The following EPHA6 variants were observed in gnomAD, a reference collection of about 807,000 sequenced individuals.
EPHA6 encodes the protein EPH receptor A6, also known as ephrin type-A receptor 6.
Under a neutral mutation model 112.0 loss-of-function variants are expected in EPHA6, and 50 were observed. The ratio of observed to expected loss-of-function variants is 0.45; its 90% CI spans 0.36 to 0.56. EPHA6 has a LOEUF of 0.56. EPHA6 is among the 20% of genes least tolerant of loss of function. The pLI, the probability that EPHA6 is intolerant of heterozygous loss-of-function variation, is 0.00. For synonymous variants in EPHA6, 529 were observed against 490.7 expected (o/e 1.08, Z -1.03); for missense variants, 1,280 against 1,417.4 (o/e 0.90, Z 1.56).
At chr3:96,843,408 C>A (rs894166558) in intron 1 of EPHA6, among the ~76,000 whole-genome samples, 7 of 151,978 alleles carry the variant, frequency 4.6e-5, no homozygotes, top group African/African-American at 1.7e-4. Flanking sequence ...GTTTTAAATA[C>A]ATGTTTACTT....
rs559149881 is a variant in EPHA6, at chr3:97,176,473, T to C, written c.1115-49791T>C. On this transcript the variant is annotated intron_variant, in intron 3 of 17. Transcript: ENST00000389672. The stretch of plus-strand genomic sequence containing the variant: ...TTCAGAAGAGTTTGAGTAGGATTGA[T>C]ATTAGTTTCCTTAAGACTGGTAGGG... Among the ~76,000 whole-genome samples, 4 of 152,014 alleles carry C rather than the reference T, an allele frequency of 2.6e-5. No individual in the cohort carries two copies. The South Asian group carries it at 8.3e-4, about 31-fold the overall frequency.
At chr3:97,009,985 G>GTTTT (rs746552671) in intron 3 of EPHA6, 4 of 664,164 alleles carry the variant, frequency 6.0e-6, no homozygotes, top group South Asian at 1.6e-5. Context: ...GCTTATCATT[G>GTTTT]TTTTTTTTTT....
At chr3:96,964,680 G>T (rs1346315780) in intron 2 of EPHA6, among the ~76,000 whole-genome samples, 1 of 152,042 alleles carries the variant, frequency 6.6e-6, no homozygotes, top group Non-Finnish European at 1.5e-5. Flanking sequence ...CCAATTTCCA[G>T]TTACTACAAA....
intron 11 of EPHA6, among the ~76,000 whole-genome samples, chr3:97,533,178 G>A (rs529167664): frequency 2.0e-5 from 3 of 151,724 alleles, no homozygotes; most frequent in Admixed American, 6.6e-5. Context: ...AAAAATGATA[G>A]GGCATAAAAT....
intron 11 of EPHA6, among the ~76,000 whole-genome samples, chr3:97,574,847 ACACTAGGGACTCCAAAAACT>A (rs1490418183): frequency 2.0e-5 from 3 of 152,074 alleles, no homozygotes; most frequent in African/African-American, 4.8e-5. Context: ...GAAATAATAG[ACACTAGGGACTCCAAAAACT>A]GGAGGGTGGG....
At chr3:97,276,185 G>A (rs1267923077) in intron 5 of EPHA6, among the ~76,000 whole-genome samples, 5 of 152,070 alleles carry the variant, frequency 3.3e-5, no homozygotes, top group Non-Finnish European at 5.9e-5. Context: ...AGAGTTACCC[G>A]AAGCCTGGCA....
intron 3 of EPHA6, among the ~76,000 whole-genome samples, chr3:97,143,005 A>G (rs1026498922): frequency 1.3e-5 from 2 of 151,914 alleles, no homozygotes; most frequent in African/African-American, 2.4e-5. Flanking sequence ...AGAAAGTAAG[A>G]AAAGGCAGCC....
intron 2 of EPHA6, among the ~76,000 whole-genome samples, chr3:96,927,118 A>C (rs2040077003): frequency 6.6e-6 from 1 of 152,184 alleles, no homozygotes. Context: ...CGTAGGCCTA[A>C]CACCACATGT....
intron 14 of EPHA6, among the ~76,000 whole-genome samples, chr3:97,649,787 C>T (rs1290922863): frequency 2.0e-5 from 3 of 151,454 alleles, no homozygotes; most frequent in Non-Finnish European, 4.4e-5. Context: ...CACACACACA[C>T]ACACAACAAT....
intron 10 of EPHA6, among the ~76,000 whole-genome samples, chr3:97,492,914 A>G (rs1032831948): frequency 1.3e-5 from 2 of 151,828 alleles, no homozygotes; most frequent in Admixed American, 6.6e-5. Flanking sequence ...TCAAGTATTT[A>G]GAGCTTGATG....
chr3:97,314,028 C>T (rs982826403), intron 5 of EPHA6, among the ~76,000 whole-genome samples: 3 of 151,392 alleles, frequency 2.0e-5, no homozygotes, highest in Non-Finnish European at 3.0e-5. Flanking sequence ...ACATGTAAGT[C>T]TTTTATCCAG....
intron 14 of EPHA6, among the ~76,000 whole-genome samples, chr3:97,639,882 T>C (rs2093985576): frequency 6.6e-6 from 1 of 152,122 alleles, no homozygotes; most frequent in South Asian, 2.1e-4. Context: ...AAGCTGTAGA[T>C]TATGTCTTGA....
At chr3:96,958,059 G>T (rs925738581) in intron 2 of EPHA6, among the ~76,000 whole-genome samples, 1 of 152,136 alleles carries the variant, frequency 6.6e-6, no homozygotes, top group African/African-American at 2.4e-5. Flanking sequence ...TTGAATATTA[G>T]ATTCTTTCTC....
At chr3:97,031,387 C>A (rs1244817373) in intron 3 of EPHA6, among the ~76,000 whole-genome samples, 1 of 152,060 alleles carries the variant, frequency 6.6e-6, no homozygotes, top group Non-Finnish European at 1.5e-5. Context: ...TAGGCATGGG[C>A]AAGGACTTCA....
intron 15 of EPHA6, among the ~76,000 whole-genome samples, chr3:97,733,309 C>T (rs2035119447): frequency 6.6e-6 from 1 of 151,982 alleles, no homozygotes; most frequent in Non-Finnish European, 1.5e-5. Flanking sequence ...GAGCAAGCTT[C>T]CAGTTTCATC....
chr3:96,931,981 G>T (rs1269950690), intron 2 of EPHA6, among the ~76,000 whole-genome samples: 3 of 152,102 alleles, frequency 2.0e-5, no homozygotes, highest in African/African-American at 7.2e-5. Context: ...GGGTCCATTG[G>T]ACCCTAGGCC....
At chr3:97,070,008 G>A (rs74335887) in intron 3 of EPHA6, among the ~76,000 whole-genome samples, 12,871 of 152,036 alleles carry the variant, frequency 0.085, 873 homozygotes, top group Admixed American at 0.21. Context: ...CTTTTCCTGG[G>A]AAGCTCTGCC....
At chr3:97,418,300 A>G (rs1035533607) in intron 6 of EPHA6, among the ~76,000 whole-genome samples, 2 of 151,968 alleles carry the variant, frequency 1.3e-5, no homozygotes, top group Non-Finnish European at 2.9e-5. Flanking sequence ...GAAAAAGAAA[A>G]CAGAACAGAG....
intron 11 of EPHA6, among the ~76,000 whole-genome samples, chr3:97,573,270 T>G (rs1345271345): frequency 6.6e-6 from 1 of 152,192 alleles, no homozygotes; most frequent in Non-Finnish European, 1.5e-5. Context: ...GAGTTCATTA[T>G]GCCTGATGAA....
Sources: gnomAD v4.1 joint callset for allele counts (sites outside exome capture counted in the v4.1 genomes callset) on GRCh38, gnomAD v4.1.1 for gene constraint, MANE v1.5 for transcripts, NCBI Gene and HGNC (gene_info 2026-07-23, HGNC 2026-07-21) for gene names.